EXD3: variants seen among roughly 807,000 people sequenced by gnomAD.
EXD3 encodes the protein exonuclease mut-7 homolog.
A neutral mutation model predicts 98.0 loss-of-function variants in EXD3; 92 were observed. That is an observed-to-expected ratio of 0.94 (90% confidence interval 0.79 to 1.12). The LOEUF (loss-of-function observed/expected upper bound fraction) is 1.12, where lower values mean the gene tolerates loss of function less well. Among genes scored for constraint, EXD3 ranks in the 50% most tolerant of loss-of-function variants. EXD3 has a pLI of 0.00. For synonymous variants in EXD3, 569 were observed against 526.0 expected (o/e 1.08, Z -1.12); for missense variants, 1,222 against 1,191.6 (o/e 1.03, Z -0.38).
intron 21 of EXD3, 63 bp downstream of exon 21, chr9:137,307,545 G>T (rs1831110965): frequency 6.3e-7 from 1 of 1,588,638 alleles, no homozygotes. Flanking sequence ...CATTCTGGGG[G>T]AAGCCTGGCA....
intron 17 of EXD3, chr9:137,345,948 G>A (rs745681454): frequency 7.2e-5 from 11 of 151,960 alleles, no homozygotes; most frequent in Non-Finnish European, 1.6e-4. Flanking sequence ...TAAAAATACA[G>A]AATTCACTAA....
rs1362666779 is a variant in EXD3, at chr9:137,324,595, G to A, written c.1999-452C>T. Among the ~76,000 whole-genome samples, 1 of 152,166 alleles carries A rather than the reference G, an allele frequency of 6.6e-6. No individual in the cohort carries two copies. Among genetic ancestry groups the A allele is most frequent in the Non-Finnish European group, 1.5e-5 (1 of 68,030 alleles). ...CAGTGTCGACGTGGCTCTTCCCAAA[G>A]CTTTGTATGAACTGTGGCATAAAAC... is the stretch of plus-strand genomic sequence containing the variant. On this transcript the variant is annotated intron_variant, in intron 17 of 21. Transcript: ENST00000340951. This position sits in a 1 kb window ranked among gnomAD's most constrained non-coding sequence, Gnocchi z 4.1.
In EXD3 at chr9:137,352,836, C is replaced by T. The variant is rs763841175; in HGVS notation, c.871-50G>A. On this transcript the variant is annotated intron_variant, in intron 10 of 21. Coordinates refer to ENST00000340951, the MANE Select transcript of EXD3 (RefSeq NM_017820.5). ...TGGAGATGGGGACATTGCTGTGCCA[C>T]AGGGCCCTGCCCCGAGGGACCCCCG... The T allele has an allele frequency of 1.9e-6, 3 of 1,544,296 alleles. No individual in the cohort carries two copies. The East Asian group carries it at 7.2e-5, about 37-fold the overall frequency.
intron 7 of EXD3, among the ~76,000 whole-genome samples, chr9:137,358,427 C>T (rs754230873): frequency 5.3e-5 from 8 of 152,176 alleles, no homozygotes; most frequent in Non-Finnish European, 8.8e-5. Flanking sequence ...CTGTTTCCAG[C>T]CCAGCTTCTT....
chr9:137,381,450 C>T (rs891346668), intron 3 of EXD3, among the ~76,000 whole-genome samples: 42 of 150,004 alleles, frequency 2.8e-4, no homozygotes, highest in Non-Finnish European at 5.9e-4. Flanking sequence ...GACAGGAACA[C>T]CCCACCACAG....
rs1831126511 is a variant in EXD3, at chr9:137,307,790, CGGGCAGA to C, written c.2279-151_2279-145del. ...TCACACACCCCCCAGCCTTCGCAGA[CGGGCAGA>C]GGGCAGGGGGCCAAGGAGCTGTGGT... On this transcript the variant is annotated intron_variant, in intron 20 of 21. Coordinates refer to ENST00000340951, the MANE Select transcript of EXD3 (RefSeq NM_017820.5). The C allele has an allele frequency of 4.4e-6, 4 of 903,816 alleles. No individual in the cohort carries two copies. The South Asian group carries it at 6.6e-5, about 15-fold the overall frequency. 56.0% of individuals were successfully genotyped at this position (903,816 alleles called of 1,614,324 possible).
chr9:137,396,757 G>A (rs1837235551), intron 1 of EXD3, among the ~76,000 whole-genome samples: 1 of 152,206 alleles, frequency 6.6e-6, no homozygotes, highest in Non-Finnish European at 1.5e-5. Flanking sequence ...CCTTTCTCAC[G>A]CAGGCTGCTC....
rs141126990 is a variant in EXD3, at chr9:137,352,624, C to T, written c.1033G>A (p.Gly345Arg). 9,714 of 1,544,768 alleles carry T rather than the reference C, an allele frequency of 6.3e-3. 729 individuals carry two copies. In the Admixed American group the frequency reaches 0.15, roughly 24 times the overall value. ...GGTCACCCTGGCGGCGCTCACCTCCCCTGGAGCCTGAACCGGCGGAGTTCC... is the reference window on the plus strand; with the variant it reads ...GGTCACCCTGGCGGCGCTCACCTCCTCTGGAGCCTGAACCGGCGGAGTTCC... ...AVELRRFRLQGRATEADSRLE... is the reference protein window; with the variant it reads ...AVELRRFRLQRRATEADSRLE... Residue 345 changes from glycine (G) to arginine (R), a missense_variant, in exon 11 of 22, where the codon GGG becomes AGG. Transcript: ENST00000340951.
chr9:137,418,489 C>T (rs1838345588), intron 1 of EXD3, among the ~76,000 whole-genome samples: 2 of 152,166 alleles, frequency 1.3e-5, no homozygotes, highest in African/African-American at 4.8e-5. Flanking sequence ...AATATATTTA[C>T]ATCTGTTAAC....
chr9:137,402,052 C>T (rs768025478), intron 1 of EXD3, among the ~76,000 whole-genome samples: 11 of 152,184 alleles, frequency 7.2e-5, no homozygotes, highest in South Asian at 4.1e-4. Context: ...AGTCTTGCTC[C>T]GTCACCAGAC....
intron 5 of EXD3, among the ~76,000 whole-genome samples, chr9:137,369,005 G>T (rs1336939322): frequency 7.1e-6 from 1 of 141,710 alleles, no homozygotes; most frequent in Non-Finnish European, 1.5e-5. Context: ...GGGGTGGGGG[G>T]GCTTCTCAGA....
rs980911029 is a variant in EXD3, at chr9:137,356,385, G to A, written c.657-17C>T. 2 of 1,481,848 alleles carry A rather than the reference G, an allele frequency of 1.3e-6. No homozygotes were observed. Among genetic ancestry groups the A allele is most frequent in the Non-Finnish European group, 1.9e-6 (2 of 1,072,206 alleles). 91.8% of individuals were successfully genotyped at this position (1,481,848 alleles called of 1,614,324 possible). ...GGGTACCGTCTGTGGGGAGAGAGAG[G>A]CACAGCCTCTGTTGCTGTTTTAAGT... On this transcript the variant is annotated splice_polypyrimidine_tract_variant and intron_variant, in intron 7 of 21. Coordinates refer to ENST00000340951, the MANE Select transcript of EXD3 (RefSeq NM_017820.5).
Position 137,405,182 on chromosome 9 carries a change from C to T in EXD3, c.-47-9778G>A, listed in dbSNP as rs907556637. ...ACCCTACTTGGGAGCCCCGCACATCCGCACATCCCACCCTTGGACCTCCTA... is the reference window on the plus strand; with the variant it reads ...ACCCTACTTGGGAGCCCCGCACATCTGCACATCCCACCCTTGGACCTCCTA... On this transcript the variant is annotated intron_variant, in intron 1 of 21. Coordinates refer to ENST00000340951, the MANE Select transcript of EXD3 (RefSeq NM_017820.5). The surrounding 1 kb of genome is among the most constrained non-coding windows in gnomAD (Gnocchi z 4.1). 1.6e-4 allele frequency among the ~76,000 whole-genome samples: 24 copies of T among 152,234 alleles called. No homozygotes were observed. Among genetic ancestry groups the T allele is most frequent in the African/African-American group, 5.8e-4 (24 of 41,458 alleles).
At chr9:137,422,341 G>A (rs1462760617) in intron 1 of EXD3, among the ~76,000 whole-genome samples, 1 of 152,124 alleles carries the variant, frequency 6.6e-6, no homozygotes, top group Non-Finnish European at 1.5e-5. Flanking sequence ...TGTGGGCCCA[G>A]AAAGCTTGAT....
At chr9:137,339,482 G>T (rs1488622165) in intron 17 of EXD3, among the ~76,000 whole-genome samples, 1 of 119,150 alleles carries the variant, frequency 8.4e-6, no homozygotes, top group South Asian at 2.6e-4. Flanking sequence ...GGGTAACACA[G>T]CAAGACGCCA....
intron 1 of EXD3, among the ~76,000 whole-genome samples, chr9:137,399,849 C>T (rs1266415484): frequency 6.6e-6 from 1 of 151,996 alleles, no homozygotes; most frequent in African/African-American, 2.4e-5. Context: ...ACCAGCCTGC[C>T]AACATGGCGA....
At chr9:137,409,069 C>T (rs959780147) in intron 1 of EXD3, among the ~76,000 whole-genome samples, 5 of 152,248 alleles carry the variant, frequency 3.3e-5, no homozygotes, top group South Asian at 2.1e-4. Flanking sequence ...CATGCTGCGG[C>T]GTTTCAAGGT....
chr9:137,312,609 G>A (rs763169975), intron 19 of EXD3, among the ~76,000 whole-genome samples: 12 of 152,202 alleles, frequency 7.9e-5, no homozygotes, highest in Non-Finnish European at 1.8e-4. Flanking sequence ...CAGGCCCAAG[G>A]AGGAGTGAGG....
intron 1 of EXD3, among the ~76,000 whole-genome samples, chr9:137,398,840 C>A (rs1182541167): frequency 6.8e-6 from 1 of 147,682 alleles, no homozygotes; most frequent in African/African-American, 2.5e-5. Context: ...ACACGTGCAC[C>A]CGCATCCCCA....
Sources: allele counts gnomAD v4.1 joint callset (sites outside exome capture counted in the v4.1 genomes callset), GRCh38; gene constraint gnomAD v4.1.1; non-coding constraint Gnocchi (gnomAD v3.1); transcripts MANE v1.5; gene names NCBI Gene and HGNC (gene_info 2026-07-23, HGNC 2026-07-21).